SGO2: variants seen among roughly 807,000 people sequenced by gnomAD.
SGO2 encodes the protein shugoshin-like 2.
In SGO2, 68 loss-of-function variants were observed where a neutral mutation model predicts 99.5. That is an observed-to-expected ratio of 0.68 (90% CI 0.56 to 0.84). SGO2 has a LOEUF of 0.84. SGO2 is among the 40% of genes least tolerant of loss of function. The pLI is 0.00. For missense variants in SGO2, 1,350 were observed against 1,436.7 expected (o/e 0.94, Z 0.97); for synonymous variants, 457 against 487.1 (o/e 0.94, Z 0.81).
chr2:200,537,671 C>T (rs2031755812), intron 4 of SGO2, among the ~76,000 whole-genome samples: 1 of 152,006 alleles, frequency 6.6e-6, no homozygotes, highest in Non-Finnish European at 1.5e-5. Flanking sequence ...TTTCTATCTA[C>T]ATTCACTCCT....
At chr2:200,556,003 C>T (rs944963589) in intron 5 of SGO2, among the ~76,000 whole-genome samples, 1 of 152,180 alleles carries the variant, frequency 6.6e-6, no homozygotes, top group Non-Finnish European at 1.5e-5. Context: ...TCACTCTTGT[C>T]ATCCAGGCTG....
intron 5 of SGO2, among the ~76,000 whole-genome samples, chr2:200,554,995 C>T (rs531416085): frequency 6.6e-6 from 1 of 152,208 alleles, no homozygotes; most frequent in South Asian, 2.1e-4. Flanking sequence ...GAATAATACC[C>T]CTTTAATATG....
chr2:200,532,860 ATACT>A lies in SGO2; in HGVS notation c.-2-111_-2-108del, dbSNP rs138420415. 4.5e-3 allele frequency: 4,931 copies of A among 1,091,174 alleles called. 184 individuals are homozygous for A. In the African/African-American group the frequency reaches 0.073, roughly 16 times the overall value. The allele number at this position is 1,091,174 out of a possible 1,614,324, so 67.6% of individuals were successfully genotyped here. A position where few individuals can be genotyped will look rare whatever the true frequency, so the allele number is the denominator to read the frequency against. ...TCAGATTTTATGTAAAGTTTAGCAA[ATACT>A]TAATGCACAAAGTATATTAAGTCAT... On this transcript the variant is annotated intron_variant, in intron 1 of 8. Transcript: ENST00000357799.
chr2:200,550,647 A>T (rs908939547), intron 5 of SGO2, among the ~76,000 whole-genome samples: 1 of 152,168 alleles, frequency 6.6e-6, no homozygotes, highest in African/African-American at 2.4e-5. Flanking sequence ...AGAAGAATGA[A>T]ACTAGACTCC....
intron 8 of SGO2, among the ~76,000 whole-genome samples, chr2:200,578,091 G>T (rs182124757): frequency 1.6e-4 from 24 of 146,462 alleles, no homozygotes; most frequent in Middle Eastern, 3.5e-3. Flanking sequence ...AGTGATTTTT[G>T]ATTTCTCCCT....
chr2:200,580,519 T>C (rs2033808692), intron 8 of SGO2: 1 of 437,638 alleles, frequency 2.3e-6, no homozygotes, highest in South Asian at 1.6e-5. Context: ...TTGTTTTTAT[T>C]CTTTCATTTA....
intron 5 of SGO2, among the ~76,000 whole-genome samples, chr2:200,558,654 T>A (rs1230909679): frequency 6.6e-6 from 1 of 152,054 alleles, no homozygotes; most frequent in Non-Finnish European, 1.5e-5. Context: ...TTTTTGTATT[T>A]ATAGTATGCC....
chr2:200,566,398 T>C (rs1232766185), intron 5 of SGO2, among the ~76,000 whole-genome samples: 2 of 152,166 alleles, frequency 1.3e-5, no homozygotes, highest in East Asian at 3.9e-4. Context: ...TATTGCAGAA[T>C]GGCAAATGTT....
At chr2:200,579,575 G>T (rs60983971) in intron 8 of SGO2, among the ~76,000 whole-genome samples, 3,843 of 152,258 alleles carry the variant, frequency 0.025, 164 homozygotes, top group African/African-American at 0.088. Context: ...ATGAATGATT[G>T]TTGAATTTTG....
chr2:200,571,788 A>G lies in SGO2; in HGVS notation c.1442A>G (p.Gln481Arg). 6.2e-7 allele frequency: 1 copy of G among 1,613,654 alleles called. No homozygotes were observed. The highest frequency in any genetic ancestry group is 8.5e-7 in the Non-Finnish European group (1 of 1,179,668). Residue 481 changes from glutamine to arginine, a missense_variant, in exon 7 of 9, where the codon CAA becomes CGA. Coordinates refer to ENST00000357799, the MANE Select transcript of SGO2 (RefSeq NM_152524.6). ...ATGACCCTTCAAACTGGCTTTGAAC[A>G]AGGTGACAGAGAAAATGTACTGTGT... is the stretch of plus-strand genomic sequence containing the variant. ...KKMTLQTGFE[Q>R]GDRENVLCNK...
intron 5 of SGO2, among the ~76,000 whole-genome samples, chr2:200,553,477 G>A (rs968365377): frequency 1.3e-5 from 2 of 152,112 alleles, no homozygotes; most frequent in African/African-American, 4.8e-5. Context: ...AGCAGAGTCA[G>A]TCTAAATTGC....
Position 200,575,031 on chromosome 2 carries a change from A to C in SGO2, c.3632-280A>C, listed in dbSNP as rs150575579. 2.3e-3 allele frequency among the ~76,000 whole-genome samples: 350 copies of C among 152,230 alleles called. 1 individual carries two copies. The highest frequency in any genetic ancestry group is 8.2e-3 in the African/African-American group (340 of 41,560). ...GTGCTCCTCATGGTGCCTTACACAG[A>C]GTGAGTGATCAATGGCATATATGTT... On this transcript the variant is annotated intron_variant, in intron 7 of 8. Coordinates refer to ENST00000357799, the MANE Select transcript of SGO2 (RefSeq NM_152524.6).
chr2:200,563,826 A>T (rs2033075261), intron 5 of SGO2, among the ~76,000 whole-genome samples: 2 of 151,910 alleles, frequency 1.3e-5, no homozygotes, highest in Non-Finnish European at 2.9e-5. Context: ...TTTCTTCTAG[A>T]TTTTCTAGTT....
At position 200,570,409 on chromosome 2, in the gene SGO2, T is replaced by C. The variant is rs914072894; in HGVS notation, c.703+517T>C. ...TGGTGCTTACAGATTTGCCATAGAT[T>C]TTCAGACTGGGATATGGAACTATAA... On this transcript the variant is annotated intron_variant, in intron 6 of 8. Coordinates refer to ENST00000357799, the MANE Select transcript of SGO2 (RefSeq NM_152524.6). This position sits in a 1 kb window ranked among gnomAD's most constrained non-coding sequence, Gnocchi z 4.4. 6.6e-6 allele frequency among the ~76,000 whole-genome samples: 1 copy of C among 151,490 alleles called. No homozygotes were observed. Among genetic ancestry groups the C allele is most frequent in the African/African-American group, 2.4e-5 (1 of 41,260 alleles).
intron 4 of SGO2, among the ~76,000 whole-genome samples, chr2:200,541,943 CCTAA>C (rs1250895735): frequency 4.6e-5 from 7 of 152,014 alleles, no homozygotes; most frequent in Middle Eastern, 3.4e-3. Context: ...CTGTAACCCT[CCTAA>C]CTTTTTTCTT....
In SGO2 at chr2:200,572,280, A is replaced by T. The variant is rs1559216981; in HGVS notation, c.1934A>T (p.Asn645Ile). The T allele has an allele frequency of 3.7e-6, 6 of 1,607,642 alleles. No homozygotes were observed. The highest frequency in any genetic ancestry group is 4.2e-6 in the Non-Finnish European group (5 of 1,177,328). The change falls in exon 7 of 9, where the codon AAT (asparagine) becomes ATT (isoleucine). Residue 645 changes from asparagine to isoleucine, a missense_variant. Coordinates refer to ENST00000357799, the MANE Select transcript of SGO2 (RefSeq NM_152524.6). ...KDVVHGLKKG[N>I]FFFKTQEDKE... is the part of the protein sequence containing the mutation. ...GTGGTGCATGGCCTAAAAAAAGGTAATTTTTTTTTCAAAACCCAAGAGGAT... is the reference window on the plus strand; with the variant it reads ...GTGGTGCATGGCCTAAAAAAAGGTATTTTTTTTTTCAAAACCCAAGAGGAT...
At chr2:200,575,519 C>G in intron 8 of SGO2, 58 bp downstream of exon 8, 1 of 1,337,276 alleles carries the variant, frequency 7.5e-7, no homozygotes, top group Non-Finnish European at 1.0e-6. Context: ...AAAAAAATTT[C>G]TGCCTGAATT....
intron 5 of SGO2, among the ~76,000 whole-genome samples, chr2:200,552,861 T>C (rs1262143072): frequency 6.6e-6 from 1 of 152,048 alleles, no homozygotes; most frequent in Non-Finnish European, 1.5e-5. Context: ...ATCCTGGGAG[T>C]GCAGCCCAGA....
intron 8 of SGO2, chr2:200,576,208 C>A (rs1574886495): frequency 2.7e-5 from 6 of 219,848 alleles, no homozygotes; most frequent in South Asian, 4.7e-5. Flanking sequence ...AATTAAGGAC[C>A]AAGGGGCCTT....
Sources: gnomAD v4.1 joint callset for allele counts (sites outside exome capture counted in the v4.1 genomes callset) on GRCh38, gnomAD v4.1.1 for gene constraint, Gnocchi (gnomAD v3.1) non-coding constraint, MANE v1.5 for transcripts, NCBI Gene and HGNC (gene_info 2026-07-23, HGNC 2026-07-21) for gene names.